NTRK1: variants seen among roughly 807,000 people sequenced by gnomAD.
The protein encoded by NTRK1 is high affinity nerve growth factor receptor.
Under a neutral mutation model 86.8 loss-of-function variants are expected in NTRK1, and 62 were observed. The ratio of observed to expected loss-of-function variants is 0.71; its 90% CI spans 0.58 to 0.88. NTRK1 has a LOEUF of 0.88. NTRK1 is among the 40% of genes least tolerant of loss of function. NTRK1 has a pLI of 0.00. For synonymous variants in NTRK1, 469 were observed against 456.6 expected, an observed-to-expected ratio of 1.03 and a Z score of -0.35; for missense variants, 967 against 1,078.4, an observed-to-expected ratio of 0.90 and a Z score of 1.45.
At chr1:156,861,203 C>G in intron 1 of NTRK1, 57 bp downstream of exon 1, 2 of 1,514,522 alleles carry the variant, frequency 1.3e-6, no homozygotes, top group Non-Finnish European at 1.8e-6. Context: ...TGCAGTGCCC[C>G]GAGGGCGCGG....
At chr1:156,846,284 T>A (rs1655005077) in intron 2 of NTRK1, among the ~76,000 whole-genome samples, 1 of 152,002 alleles carries the variant, frequency 6.6e-6, no homozygotes, top group African/African-American at 2.4e-5. Context: ...TGTCCTCCCC[T>A]TCTCTGCCAT....
At chr1:156,845,546 A>AAACCCCCC in intron 2 of NTRK1, 1 of 392,140 alleles carries the variant, frequency 2.6e-6, no homozygotes, top group South Asian at 3.1e-5. Context: ...CACAAACCCC[A>AAACCCCCC]CCCCTCCCGC....
chr1:156,829,667 T>G (rs1241411572), intron 1 of NTRK1, among the ~76,000 whole-genome samples: 1 of 152,152 alleles, frequency 6.6e-6, no homozygotes, highest in Non-Finnish European at 1.5e-5. Context: ...TTTTCTTTTT[T>G]TTTGAGACAG....
At position 156,854,544 on chromosome 1, in the gene NTRK1, T is replaced by C. The variant is rs1655344529; in HGVS notation, c.51-9810T>C. ...CTCCTGATCCTCTCTCCCAAGCCCA[T>C]CTCCCCTTCTTGGTTAATAGCGACT... On this transcript the variant is annotated intron_variant, in intron 2 of 16. Transcript: ENST00000392302. This position sits in a 1 kb window ranked among gnomAD's most constrained non-coding sequence, Gnocchi z 4.2. Among the ~76,000 whole-genome samples the C allele has an allele frequency of 6.6e-6, 1 of 151,858 alleles. No individual in the cohort carries two copies. The highest frequency in any genetic ancestry group is 2.4e-5 in the African/African-American group (1 of 41,336).
intron 11 of NTRK1, 148 bp from the exon 12 acceptor site, chr1:156,875,372 C>G: frequency 9.2e-7 from 1 of 1,089,542 alleles, no homozygotes; most frequent in Non-Finnish European, 1.4e-6. Flanking sequence ...GGTGGTGCCC[C>G]CTTCCCCCTG....
At chr1:156,869,018 CCCTTCCTTCCTTCCTTCCTT>C (rs773795513) in intron 6 of NTRK1, among the ~76,000 whole-genome samples, 5 of 43,562 alleles carry the variant, frequency 1.1e-4, no homozygotes, top group East Asian at 5.4e-4. Context: ...TTTTCTCTCT[CCCTTCCTTCCTTCCTTCCTT>C]CCTTCCTTCC....
intron 14 of NTRK1, among the ~76,000 whole-genome samples, chr1:156,878,254 C>T (rs867290800): frequency 2.0e-5 from 3 of 152,156 alleles, no homozygotes; most frequent in Non-Finnish European, 4.4e-5. Context: ...GAGACAGACA[C>T]ACAAACTCTA....
At chr1:156,872,501 A>G (rs553021743) in intron 7 of NTRK1, among the ~76,000 whole-genome samples, 1 of 149,948 alleles carries the variant, frequency 6.7e-6, no homozygotes, top group Non-Finnish European at 1.5e-5. Flanking sequence ...TCAACATTAT[A>G]TTTATAAGAT....
intron 13 of NTRK1, 42 bp from the exon 14 acceptor site, chr1:156,876,358 C>T (rs1048669398): frequency 4.9e-5 from 79 of 1,612,574 alleles, no homozygotes; most frequent in Non-Finnish European, 6.6e-5. Flanking sequence ...GCAGTGAGGG[C>T]TCGGCCCCCA....
At chr1:156,877,534 C>T (rs924055579) in intron 14 of NTRK1, among the ~76,000 whole-genome samples, 1 of 152,246 alleles carries the variant, frequency 6.6e-6, no homozygotes, top group Non-Finnish European at 1.5e-5. Flanking sequence ...CATGTTCCCT[C>T]GGTCTAGTCC....
At chr1:156,842,465 A>G in intron 2 of NTRK1, 1 of 1,613,978 alleles carries the variant, frequency 6.2e-7, no homozygotes, top group Non-Finnish European at 8.5e-7. Context: ...CTCCATGATG[A>G]CCAGAGTTGG....
intron 12 of NTRK1, 196 bp from the exon 13 acceptor site, chr1:156,875,884 C>A: frequency 9.2e-7 from 1 of 1,090,652 alleles, no homozygotes; most frequent in Non-Finnish European, 1.3e-6. Flanking sequence ...TAGCCCAAAC[C>A]ATGTCCTCTC....
At chr1:156,845,057 G>T in intron 2 of NTRK1, 2 of 1,593,860 alleles carry the variant, frequency 1.3e-6, no homozygotes, top group Non-Finnish European at 8.5e-7. Flanking sequence ...GGTAGAAGGT[G>T]TGTGTGTGGA....
At chr1:156,818,424 C>A (rs1220950800) in intron 1 of NTRK1, among the ~76,000 whole-genome samples, 2 of 152,168 alleles carry the variant, frequency 1.3e-5, no homozygotes, top group African/African-American at 4.8e-5. Context: ...TTTTAATGCA[C>A]CTGGCACCCA....
Position 156,864,393 on chromosome 1 carries a change from C to T in NTRK1, c.252C>T (p.Leu84=), listed in dbSNP as rs1409087707. 1.2e-6 allele frequency: 2 copies of T among 1,614,098 alleles called. No individual in the cohort carries two copies. Among genetic ancestry groups the T allele is most frequent in the South Asian group, 2.2e-5 (2 of 91,066 alleles). The change falls in exon 2 of 17, where the codon CTC becomes CTT. Residue 84 remains leucine, a synonymous_variant. Transcript: ENST00000524377. ...ENQQHLQHLE[L]RDLRGLGELR... ...AGCAGCATCTGCAGCATCTGGAGCT[C>T]CGTGATCTGAGGGGCCTGGGGGAGC...
intron 2 of NTRK1, chr1:156,843,207 G>T: frequency 1.2e-6 from 2 of 1,614,098 alleles, no homozygotes; most frequent in East Asian, 2.2e-5. Flanking sequence ...TGCTCCCGAG[G>T]CACCTCCCAT....
chr1:156,878,883 G>A (rs2102923316), intron 14 of NTRK1, among the ~76,000 whole-genome samples: 1 of 152,276 alleles, frequency 6.6e-6, no homozygotes, highest in South Asian at 2.1e-4. Flanking sequence ...AGCTGCCAGA[G>A]AGGAAGGCAT....
upstream of NTRK1, chr1:156,860,668 C>T: frequency 2.0e-6 from 1 of 502,230 alleles, no homozygotes; most frequent in East Asian, 3.6e-5. Flanking sequence ...GGCCCCTCAG[C>T]GTCTGCCGGA....
intron 2 of NTRK1, among the ~76,000 whole-genome samples, chr1:156,855,692 G>A (rs565544540): frequency 6.6e-6 from 1 of 152,204 alleles, no homozygotes; most frequent in East Asian, 1.9e-4. Flanking sequence ...AGGCATGGTG[G>A]TGCACACCTA....
Sources: gnomAD v4.1 joint callset for allele counts (sites outside exome capture counted in the v4.1 genomes callset) on GRCh38, gnomAD v4.1.1 for gene constraint, Gnocchi (gnomAD v3.1) non-coding constraint, MANE v1.5 for transcripts, NCBI Gene and HGNC (gene_info 2026-07-23, HGNC 2026-07-21) for gene names.